Variants in ANKRD30B observed in about 807,000 individuals in gnomAD.
ANKRD30B encodes the protein ankyrin repeat domain-containing protein 30B.
Under a neutral mutation model 202.2 loss-of-function variants are expected in ANKRD30B, and 144 were observed. The observed-to-expected ratio is 0.71, with a 90% CI of 0.62 to 0.82. The LOEUF (loss-of-function observed/expected upper bound fraction) is 0.82, where lower values mean the gene tolerates loss of function less well. Ranked by LOEUF, ANKRD30B falls within the 40% of genes least tolerant of loss-of-function variation. The pLI is 0.00. For missense variants in ANKRD30B, 1,487 were observed against 1,669.1 expected, an observed-to-expected ratio of 0.89 and a Z score of 1.90; for synonymous variants, 508 against 561.3, an observed-to-expected ratio of 0.91 and a Z score of 1.34.
intron 30 of ANKRD30B, among the ~76,000 whole-genome samples, chr18:14,820,017 T>C (rs1178831833): frequency 1.3e-5 from 2 of 152,028 alleles, no homozygotes; most frequent in Non-Finnish European, 2.9e-5. Flanking sequence ...CTTCCATTTG[T>C]TTTATCCTCT....
At chr18:14,824,120 A>T (rs60980030) in intron 32 of ANKRD30B, among the ~76,000 whole-genome samples, 76,068 of 150,036 alleles carry the variant, frequency 0.51, 19,327 homozygotes, top group Non-Finnish European at 0.53. Context: ...CTTTTTTTTT[A>T]CTTATCTTAT....
intron 30 of ANKRD30B, among the ~76,000 whole-genome samples, chr18:14,821,670 C>T (rs1451982397): frequency 6.6e-6 from 1 of 152,146 alleles, no homozygotes; most frequent in African/African-American, 2.4e-5. Flanking sequence ...TTTGGCCAGG[C>T]TGCTTTGGAA....
chr18:14,898,771 C>T, the ANKRD30B span, among the ~76,000 whole-genome samples: 1 of 152,022 alleles, frequency 6.6e-6, no homozygotes, highest in Non-Finnish European at 1.5e-5. Flanking sequence ...GATTGTGTTA[C>T]CAATTATATG....
rs531427065 is a variant in ANKRD30B at position 14,818,066 on chromosome 18, GA to G, written c.2641+3356del. Among the ~76,000 whole-genome samples, 63 of 152,204 alleles carry G rather than the reference GA, an allele frequency of 4.1e-4. 1 individual carries two copies. Among genetic ancestry groups the G allele is most frequent in the African/African-American group, 1.1e-3 (47 of 41,538 alleles). On this transcript the variant is annotated intron_variant, in intron 30 of 43. Transcript: ENST00000690538. ...ATGTTGTACTGAGAAATAAAAAGTA[GA>G]GAAAAATGAGAGATTAAGCATGTTT...
At chr18:14,778,519 C>G (rs1239053797) in intron 10 of ANKRD30B, among the ~76,000 whole-genome samples, 1 of 152,208 alleles carries the variant, frequency 6.6e-6, no homozygotes, top group Non-Finnish European at 1.5e-5. Context: ...TCACTCTTGT[C>G]TTTCTCACCG....
At chr18:14,771,198 C>T (rs1966982578) in intron 8 of ANKRD30B, among the ~76,000 whole-genome samples, 1 of 152,124 alleles carries the variant, frequency 6.6e-6, no homozygotes, top group Admixed American at 6.5e-5. Context: ...TTTCAGTAGT[C>T]TGTGCTTTGA....
the ANKRD30B span, among the ~76,000 whole-genome samples, chr18:14,926,588 AT>A: frequency 6.6e-6 from 1 of 152,194 alleles, no homozygotes; most frequent in African/African-American, 2.4e-5. Context: ...TAATATTTGA[AT>A]TTTTTAAGTA....
the ANKRD30B span, among the ~76,000 whole-genome samples, chr18:14,882,845 A>G: frequency 3.4e-4 from 51 of 152,092 alleles, no homozygotes; most frequent in Admixed American, 1.4e-3. Context: ...TGAGACCTTT[A>G]CCATTATATA....
chr18:14,871,171 G>A, the ANKRD30B span, among the ~76,000 whole-genome samples: 424 of 10,972 alleles, frequency 0.039, 10 homozygotes, highest in Non-Finnish European at 0.083. Context: ...ACCCACACCG[G>A]CACACCCTCA....
chr18:14,767,664 G>C (rs1186631492), intron 7 of ANKRD30B, among the ~76,000 whole-genome samples: 1 of 151,958 alleles, frequency 6.6e-6, no homozygotes, highest in Non-Finnish European at 1.5e-5. Context: ...GTGGATCATT[G>C]AGCCATGATA....
chr18:14,758,797 A>G (rs975167704), intron 5 of ANKRD30B, among the ~76,000 whole-genome samples: 1 of 152,194 alleles, frequency 6.6e-6, no homozygotes, highest in Non-Finnish European at 1.5e-5. Flanking sequence ...TTAAGACTGT[A>G]CGACAGGTTG....
At chr18:14,762,741 CT>C (rs1257285396) in intron 6 of ANKRD30B, among the ~76,000 whole-genome samples, 1 of 152,062 alleles carries the variant, frequency 6.6e-6, no homozygotes, top group Non-Finnish European at 1.5e-5. Context: ...AATGAAAATG[CT>C]ACTGTGATAC....
intron 1 of ANKRD30B, among the ~76,000 whole-genome samples, chr18:14,751,866 T>A (rs55928199): frequency 0.52 from 79,299 of 151,464 alleles, 21,043 homozygotes; most frequent in East Asian, 0.7. Context: ...TATACCGTAT[T>A]CCACTTCTTG....
rs898139393 is a variant in ANKRD30B at position 14,805,451 on chromosome 18, C to A, written c.2284+1627C>A. ...AGTGGATCAAGAAATATTGAGATGGCAAAGCTAGAAATTACAAAAATGTTG... is the reference window on the plus strand; with the variant it reads ...AGTGGATCAAGAAATATTGAGATGGAAAAGCTAGAAATTACAAAAATGTTG... On this transcript the variant is annotated intron_variant, in intron 24 of 43. Transcript: ENST00000690538. 4.7e-5 allele frequency among the ~76,000 whole-genome samples: 7 copies of A among 150,482 alleles called. 1 individual carries two copies. Among genetic ancestry groups the A allele is most frequent in the Admixed American group, 2.6e-4 (4 of 15,140 alleles).
the ANKRD30B span, among the ~76,000 whole-genome samples, chr18:14,928,399 G>T: frequency 6.6e-6 from 1 of 152,184 alleles, no homozygotes; most frequent in African/African-American, 2.4e-5. Flanking sequence ...CTGGTAGGCC[G>T]AATGACGAAG....
chr18:14,853,578 A>G (rs1268284349), intron 42 of ANKRD30B, among the ~76,000 whole-genome samples: 1 of 151,238 alleles, frequency 6.6e-6, no homozygotes, highest in Admixed American at 6.6e-5. Context: ...GAAGAATTAC[A>G]GATTCATTAA....
chr18:14,877,863 G>A, the ANKRD30B span: 1 of 152,224 alleles, frequency 6.6e-6, no homozygotes, highest in Non-Finnish European at 1.5e-5. Flanking sequence ...GTGGGGTGAA[G>A]TCCTTTGATT....
the ANKRD30B span, among the ~76,000 whole-genome samples, chr18:14,872,284 G>T: frequency 6.6e-6 from 1 of 152,062 alleles, no homozygotes; most frequent in Non-Finnish European, 1.5e-5. Context: ...TAAGCCCCAA[G>T]GGTTTCTCCT....
At chr18:14,868,006 G>C in the ANKRD30B span, among the ~76,000 whole-genome samples, 2 of 152,254 alleles carry the variant, frequency 1.3e-5, no homozygotes, top group Non-Finnish European at 2.9e-5. Flanking sequence ...ACAGCTCTGT[G>C]ATTCATCTCC....
Sources: gnomAD v4.1 joint callset for allele counts (sites outside exome capture counted in the v4.1 genomes callset) on GRCh38, gnomAD v4.1.1 for gene constraint, MANE v1.5 for transcripts, NCBI Gene and HGNC (gene_info 2026-07-23, HGNC 2026-07-21) for gene names.